DGKB: variants seen among roughly 807,000 people sequenced by gnomAD.
DGKB encodes 90 kDa diacylglycerol kinase.
In DGKB, 67 loss-of-function variants were observed where a neutral mutation model predicts 114.3. The ratio of observed to expected loss-of-function variants is 0.59; its 90% confidence interval spans 0.48 to 0.72. DGKB has a LOEUF of 0.72. Ranked by LOEUF, DGKB falls within the 30% of genes least tolerant of loss-of-function variation. The pLI is 0.00. For missense variants in DGKB, 907 were observed against 975.2 expected (o/e 0.93, Z 0.93); for synonymous variants, 398 against 323.1 (o/e 1.23, Z -2.49).
intron 1 of DGKB, among the ~76,000 whole-genome samples, chr7:14,852,860 A>T (rs1382600791): frequency 1.3e-5 from 2 of 152,172 alleles, no homozygotes; most frequent in African/African-American, 4.8e-5. Flanking sequence ...ACAGAAACTT[A>T]CCAAAAATAA....
intron 2 of DGKB, among the ~76,000 whole-genome samples, chr7:14,831,864 A>T: frequency 6.6e-6 from 1 of 152,106 alleles, no homozygotes. Context: ...ACGTTCCAAG[A>T]GGTAAAAGAA....
At chr7:14,750,792 TC>T (rs1833991255) in intron 4 of DGKB, among the ~76,000 whole-genome samples, 2 of 138,252 alleles carry the variant, frequency 1.4e-5, no homozygotes, top group African/African-American at 6.1e-5. Context: ...TATTTCTATT[TC>T]TTTTTTTTTT....
At chr7:14,200,847 T>C (rs1296032398) in intron 23 of DGKB, among the ~76,000 whole-genome samples, 1 of 151,962 alleles carries the variant, frequency 6.6e-6, no homozygotes, top group Non-Finnish European at 1.5e-5. Flanking sequence ...TGTAGAAGCT[T>C]AGGAAAAGCC....
intron 21 of DGKB, among the ~76,000 whole-genome samples, chr7:14,466,307 C>T (rs1780466494): frequency 1.3e-5 from 2 of 152,236 alleles, no homozygotes; most frequent in African/African-American, 4.8e-5. Context: ...GCCTGTAATC[C>T]CAGCACTTTG....
At chr7:14,859,381 T>G (rs2128176195) in intron 1 of DGKB, among the ~76,000 whole-genome samples, 1 of 152,208 alleles carries the variant, frequency 6.6e-6, no homozygotes, top group East Asian at 1.9e-4. Context: ...AAAATGTTAT[T>G]ACTTCATTAG....
chr7:14,765,470 A>T (rs1320390445), intron 2 of DGKB, among the ~76,000 whole-genome samples: 1 of 151,992 alleles, frequency 6.6e-6, no homozygotes, highest in African/African-American at 2.4e-5. Context: ...CATATTTATT[A>T]TCGTTGTTAA....
At chr7:14,860,675 G>C (rs532470410) in intron 1 of DGKB, among the ~76,000 whole-genome samples, 156 of 151,976 alleles carry the variant, frequency 1.0e-3, no homozygotes, top group African/African-American at 3.6e-3. Context: ...CTGTTAGTTA[G>C]TTATTGATTT....
At chr7:14,185,507 GAA>G (rs968634023) in intron 23 of DGKB, among the ~76,000 whole-genome samples, 14 of 151,130 alleles carry the variant, frequency 9.3e-5, no homozygotes, top group African/African-American at 3.4e-4. Flanking sequence ...CACAGAATTA[GAA>G]AAAAAAATTC....
At chr7:14,349,660 T>A (rs909769610) in intron 21 of DGKB, among the ~76,000 whole-genome samples, 4 of 152,166 alleles carry the variant, frequency 2.6e-5, no homozygotes, top group Non-Finnish European at 4.4e-5. Context: ...GATAAATATA[T>A]GGAGGTAATA....
At chr7:14,559,830 C>G (rs954961049) in intron 20 of DGKB, among the ~76,000 whole-genome samples, 2 of 152,078 alleles carry the variant, frequency 1.3e-5, no homozygotes, top group Admixed American at 1.3e-4. Flanking sequence ...TGGGCTATTT[C>G]TAACTTAAGC....
chr7:14,692,074 T>A (rs1373784568), intron 9 of DGKB, among the ~76,000 whole-genome samples: 2 of 152,110 alleles, frequency 1.3e-5, no homozygotes, highest in African/African-American at 4.8e-5. Context: ...TTGAGTTAAA[T>A]CATATAGATT....
intron 21 of DGKB, among the ~76,000 whole-genome samples, chr7:14,463,488 T>A (rs1252787940): frequency 6.6e-6 from 1 of 152,140 alleles, no homozygotes; most frequent in Non-Finnish European, 1.5e-5. Context: ...TAAGAAGTAT[T>A]TTCTCCTTTG....
intron 23 of DGKB, among the ~76,000 whole-genome samples, chr7:14,193,100 C>T (rs1405037226): frequency 6.6e-6 from 1 of 151,880 alleles, no homozygotes; most frequent in Admixed American, 6.6e-5. Context: ...TGCTACGCGA[C>T]CCAGTTCCTA....
In DGKB at chr7:14,869,155, T is replaced by A. The variant is rs34773459; in HGVS notation, c.-187-27705A>T. On this transcript the variant is annotated intron_variant, in intron 1 of 25. Coordinates refer to ENST00000402815, the MANE Select transcript of DGKB (RefSeq NM_001350709.2). The stretch of plus-strand genomic sequence containing the variant: ...GCCCATACAGATAAGGAATGGCATC[T>A]TGCCAAAGGGAATATTACATTAAAA... 3.6e-3 allele frequency among the ~76,000 whole-genome samples: 546 copies of A among 152,310 alleles called. 5 individuals are homozygous for A. Among genetic ancestry groups the A allele is most frequent in the Non-Finnish European group, 6.4e-3 (432 of 68,020 alleles).
chr7:14,207,021 T>C (rs899868967), intron 23 of DGKB, among the ~76,000 whole-genome samples: 4 of 152,050 alleles, frequency 2.6e-5, no homozygotes, highest in Non-Finnish European at 4.4e-5. Flanking sequence ...AACTTTTAAT[T>C]AATCTTTTAT....
At chr7:14,536,200 A>G (rs571384203) in intron 20 of DGKB, among the ~76,000 whole-genome samples, 2 of 152,276 alleles carry the variant, frequency 1.3e-5, no homozygotes, top group Non-Finnish European at 2.9e-5. Flanking sequence ...AGATGGCTTC[A>G]CAGGTGAATT....
chr7:14,405,767 A>G (rs1260466562), intron 21 of DGKB, among the ~76,000 whole-genome samples: 1 of 152,038 alleles, frequency 6.6e-6, no homozygotes, highest in Non-Finnish European at 1.5e-5. Flanking sequence ...CTTTTAAGAG[A>G]TGATGTCTAG....
intron 2 of DGKB, among the ~76,000 whole-genome samples, chr7:14,820,771 C>CT (rs927676559): frequency 6.6e-6 from 1 of 152,086 alleles, no homozygotes; most frequent in Non-Finnish European, 1.5e-5. Flanking sequence ...GCAAGAAACT[C>CT]TGACTATGTT....
chr7:14,330,760 T>C (rs1384193177), intron 23 of DGKB, among the ~76,000 whole-genome samples: 1 of 151,960 alleles, frequency 6.6e-6, no homozygotes, highest in Non-Finnish European at 1.5e-5. Flanking sequence ...ATATTTCTAG[T>C]TTGTGCTTTT....
Sources: allele counts gnomAD v4.1 joint callset (sites outside exome capture counted in the v4.1 genomes callset), GRCh38; gene constraint gnomAD v4.1.1; transcripts MANE v1.5; gene names NCBI Gene and HGNC (gene_info 2026-07-23, HGNC 2026-07-21).